ADAM12: variants seen among roughly 807,000 people sequenced by gnomAD.
ADAM12 encodes disintegrin and metalloproteinase domain-containing protein 12.
A neutral mutation model predicts 106.4 loss-of-function variants in ADAM12; 70 were observed. The ratio of observed to expected loss-of-function variants is 0.66; its 90% CI spans 0.54 to 0.80. The LOEUF (loss-of-function observed/expected upper bound fraction) is 0.80. ADAM12 is among the 30% of genes least tolerant of loss of function. The pLI is 0.00. For missense variants in ADAM12, 1,010 were observed against 1,171.9 expected, an observed-to-expected ratio of 0.86 and a Z score of 2.02; for synonymous variants, 420 against 433.5, an observed-to-expected ratio of 0.97 and a Z score of 0.39.
chr10:126,071,742 G>T, intron 11 of ADAM12, 88 bp from the exon 12 acceptor site: 1 of 1,417,404 alleles, frequency 7.1e-7, no homozygotes, highest in Non-Finnish European at 9.8e-7. Flanking sequence ...GCACCCACTG[G>T]CCACATCTGC....
chr10:126,252,066 T>C (rs1325479470), intron 3 of ADAM12, among the ~76,000 whole-genome samples: 1 of 125,296 alleles, frequency 8.0e-6, no homozygotes, highest in East Asian at 2.7e-4. Context: ...AGATGGATGA[T>C]GGATGGGATG....
intron 3 of ADAM12, among the ~76,000 whole-genome samples, chr10:126,168,595 C>A (rs995613625): frequency 4.6e-5 from 7 of 152,288 alleles, no homozygotes; most frequent in Admixed American, 2.6e-4. Context: ...CCTCACCTAA[C>A]CTTCCATAAT....
intron 4 of ADAM12, among the ~76,000 whole-genome samples, chr10:126,137,994 G>T (rs984925745): frequency 6.6e-6 from 1 of 152,164 alleles, no homozygotes; most frequent in African/African-American, 2.4e-5. Context: ...CCAAGCAGCT[G>T]AACCATTTTA....
chr10:126,086,459 C>T (rs1429408316), intron 11 of ADAM12, among the ~76,000 whole-genome samples: 2 of 148,350 alleles, frequency 1.3e-5, no homozygotes, highest in African/African-American at 5.0e-5. Context: ...GTGGATCACT[C>T]GAGGCCAGCA....
Position 126,155,137 on chromosome 10 carries a change from A to G in ADAM12, c.339+90T>C, listed in dbSNP as rs555669731. On this transcript the variant is annotated intron_variant, in intron 4 of 22. Transcript: ENST00000448723. ...GGGGGCCTAAGTTAAGAATCTGGGC[A>G]TGTGATTTTGCTCCGAATAAAATGG... The G allele has an allele frequency of 2.1e-6, 3 of 1,397,920 alleles. No homozygotes were observed. In the East Asian group the frequency reaches 6.9e-5, roughly 32 times the overall value. The allele number at this position is 1,397,920 out of a possible 1,614,324, so 86.6% of individuals were successfully genotyped here.
At chr10:126,144,616 C>T (rs12359491) in intron 4 of ADAM12, among the ~76,000 whole-genome samples, 32,441 of 151,942 alleles carry the variant, frequency 0.21, 3,647 homozygotes, top group South Asian at 0.3. Context: ...AAAATGCACA[C>T]GGGGGGGTTA....
chr10:126,115,337 A>C (rs1358700407), intron 6 of ADAM12, among the ~76,000 whole-genome samples: 2 of 152,198 alleles, frequency 1.3e-5, no homozygotes, highest in Non-Finnish European at 2.9e-5. Context: ...TGTTAAAATT[A>C]GTTTGCATTC....
intron 1 of ADAM12, among the ~76,000 whole-genome samples, chr10:126,381,504 A>G (rs1328382588): frequency 6.6e-6 from 1 of 152,040 alleles, no homozygotes; most frequent in Non-Finnish European, 1.5e-5. Context: ...TTTTTTAAAA[A>G]AAAACTTTTG....
chr10:126,303,408 C>T (rs1020970708), intron 2 of ADAM12, among the ~76,000 whole-genome samples: 7 of 152,170 alleles, frequency 4.6e-5, no homozygotes, highest in African/African-American at 1.2e-4. Flanking sequence ...AGAGTTAAAT[C>T]GCTGTAGAAA....
At chr10:126,158,880 GA>G (rs1956879860) in intron 3 of ADAM12, among the ~76,000 whole-genome samples, 1 of 149,538 alleles carries the variant, frequency 6.7e-6, no homozygotes, top group African/African-American at 2.5e-5. Context: ...AGCATGGGGA[GA>G]GGATGCACAG....
At chr10:126,180,277 T>A (rs777593688) in intron 3 of ADAM12, among the ~76,000 whole-genome samples, 1 of 152,218 alleles carries the variant, frequency 6.6e-6, no homozygotes, top group Non-Finnish European at 1.5e-5. Context: ...GCTTTCTGAC[T>A]GCAGAGGTCA....
intron 18 of ADAM12, among the ~76,000 whole-genome samples, chr10:126,040,485 C>T (rs1025865278): frequency 6.6e-6 from 1 of 152,154 alleles, no homozygotes; most frequent in Admixed American, 6.5e-5. Flanking sequence ...GTCTTTCACA[C>T]CTTCTTGGTT....
chr10:126,352,938 T>C (rs576930010), intron 1 of ADAM12, among the ~76,000 whole-genome samples: 4 of 152,296 alleles, frequency 2.6e-5, no homozygotes, highest in African/African-American at 9.6e-5. Context: ...TCAGAGACCC[T>C]AGCCTTTGAA....
At chr10:126,084,487 G>A (rs1011441587) in intron 11 of ADAM12, among the ~76,000 whole-genome samples, 28 of 152,300 alleles carry the variant, frequency 1.8e-4, no homozygotes, top group Non-Finnish European at 3.8e-4. Context: ...AATGGACAGT[G>A]GGCATGTCTG....
chr10:126,130,643 G>A (rs1956288105), intron 5 of ADAM12, among the ~76,000 whole-genome samples: 1 of 152,166 alleles, frequency 6.6e-6, no homozygotes, highest in Non-Finnish European at 1.5e-5. Context: ...ACCACCATGC[G>A]GAAGGAACTG....
In ADAM12 at chr10:126,049,169, A is replaced by C; in HGVS notation, c.1917+84T>G. 1.3e-6 allele frequency: 2 copies of C among 1,556,400 alleles called. No homozygotes were observed. Among genetic ancestry groups the C allele is most frequent in the South Asian group, 2.3e-5 (2 of 88,866 alleles). On this transcript the variant is annotated intron_variant, in intron 16 of 22. Transcript: ENST00000448723. This position sits in a 1 kb window ranked among gnomAD's most constrained non-coding sequence, Gnocchi z 4.4. ...GAAGTAGATTTAGGAAAACCAACAA[A>C]CCTTGTAACCCAGTTCTTGCTGTTT...
intron 3 of ADAM12, among the ~76,000 whole-genome samples, chr10:126,173,148 C>T (rs912417089): frequency 6.6e-6 from 1 of 152,090 alleles, no homozygotes; most frequent in Non-Finnish European, 1.5e-5. Flanking sequence ...GGATAAATAC[C>T]TAATGTAGAT....
intron 1 of ADAM12, among the ~76,000 whole-genome samples, chr10:126,354,202 A>G (rs946149166): frequency 3.3e-5 from 5 of 152,112 alleles, no homozygotes; most frequent in African/African-American, 1.2e-4. Context: ...CTGAAAAGTG[A>G]TGGTAAATTT....
At chr10:126,178,058 GTTTT>G (rs1351195043) in intron 3 of ADAM12, among the ~76,000 whole-genome samples, 1 of 152,084 alleles carries the variant, frequency 6.6e-6, no homozygotes, top group Non-Finnish European at 1.5e-5. Context: ...AAAGTTTTGT[GTTTT>G]ATTTATGTGA....
Sources: gnomAD v4.1 joint callset for allele counts (sites outside exome capture counted in the v4.1 genomes callset) on GRCh38, gnomAD v4.1.1 for gene constraint, Gnocchi (gnomAD v3.1) non-coding constraint, MANE v1.5 for transcripts, NCBI Gene and HGNC (gene_info 2026-07-23, HGNC 2026-07-21) for gene names.